The following PCDHA11 variants were observed in gnomAD, a reference collection of about 807,000 sequenced individuals.
PCDHA11 encodes protocadherin alpha 11, also known as protocadherin alpha-11.
A neutral mutation model predicts 70.3 loss-of-function variants in PCDHA11; 61 were observed. The ratio of observed to expected loss-of-function variants is 0.87; its 90% CI spans 0.71 to 1.07. The LOEUF (loss-of-function observed/expected upper bound fraction) is 1.07, where lower values mean the gene tolerates loss of function less well. Among genes scored for constraint, PCDHA11 ranks in the 50% least tolerant of loss-of-function variants. The pLI, the probability that PCDHA11 is intolerant of heterozygous loss-of-function variation, is 0.00. For missense variants in PCDHA11, 1,324 were observed against 1,237.5 expected, an observed-to-expected ratio of 1.07 and a Z score of -1.05; for synonymous variants, 633 against 555.1, an observed-to-expected ratio of 1.14 and a Z score of -1.97.
intron 3 of PCDHA11, among the ~76,000 whole-genome samples, chr5:140,999,060 G>A (rs1199782818): frequency 1.3e-5 from 2 of 152,210 alleles, no homozygotes; most frequent in East Asian, 1.9e-4. Context: ...CCATGCCTAA[G>A]TAGTCTCCTT....
Position 140,931,736 on chromosome 5 carries a change from G to T in PCDHA11, c.2392-47213G>T, listed in dbSNP as rs550065133. On this transcript the variant is annotated intron_variant, in intron 1 of 3. Transcript: ENST00000398640. ...TAACTTCTATAAATATGGGGTATTT[G>T]TAATTCACAAAGGCATTTGTTATTT... is the stretch of plus-strand genomic sequence containing the variant. Among the ~76,000 whole-genome samples, 307 of 152,008 alleles carry T rather than the reference G, an allele frequency of 2.0e-3. 3 individuals carry two copies. The highest frequency in any genetic ancestry group is 7.2e-3 in the African/African-American group (300 of 41,524).
chr5:140,884,459 G>T (rs530412188), intron 1 of PCDHA11: 2 of 1,613,754 alleles, frequency 1.2e-6, no homozygotes, highest in South Asian at 2.2e-5. Flanking sequence ...CACCGAGGGC[G>T]CGTGCGCGCC....
At chr5:140,967,754 T>G (rs782221420) in intron 1 of PCDHA11, 16 of 1,614,164 alleles carry the variant, frequency 9.9e-6, no homozygotes, top group South Asian at 7.7e-5. Flanking sequence ...GGAAGCCTCC[T>G]CCTACCAGAT....
chr5:140,969,826 A>G (rs782339572), intron 1 of PCDHA11, among the ~76,000 whole-genome samples: 24 of 152,344 alleles, frequency 1.6e-4, no homozygotes, highest in Middle Eastern at 3.4e-3. Flanking sequence ...TGGACTGTCT[A>G]CAGTGGAAAT....
Position 140,871,275 on chromosome 5 carries a change from A to C in PCDHA11, c.2172A>C (p.Ala724=). 3 of 1,613,900 alleles carry C rather than the reference A, an allele frequency of 1.9e-6. No individual in the cohort carries two copies. The highest frequency in any genetic ancestry group is 2.5e-6 in the Non-Finnish European group (3 of 1,179,916). ...TGTATACGGCGCTGTGGTGGTCGGC[A>C]ACGCCCACTGAGGGCGCGTGCGCGC... ...LLLYTALWWS[A]TPTEGACAPG... Residue 724 remains alanine (A), a synonymous_variant, in exon 1 of 4, where the codon GCA becomes GCC. Transcript: ENST00000398640.
At chr5:141,000,768 A>G (rs1434125702) in intron 3 of PCDHA11, among the ~76,000 whole-genome samples, 43 of 151,864 alleles carry the variant, frequency 2.8e-4, no homozygotes, top group African/African-American at 4.8e-5. Context: ...TTAGCCAGGC[A>G]TAGTGGCGCA....
chr5:140,875,054 C>A (rs2055251816), intron 1 of PCDHA11, among the ~76,000 whole-genome samples: 1 of 152,146 alleles, frequency 6.6e-6, no homozygotes, highest in Non-Finnish European at 1.5e-5. Flanking sequence ...TACTTTGAAG[C>A]AGAAAACATT....
At chr5:140,907,197 A>G (rs2073229380) in intron 1 of PCDHA11, among the ~76,000 whole-genome samples, 1 of 152,166 alleles carries the variant, frequency 6.6e-6, no homozygotes, top group Non-Finnish European at 1.5e-5. Context: ...AACCTTCTGG[A>G]GAATTTTGCC....
intron 1 of PCDHA11, chr5:140,884,416 G>T (rs1035372416): frequency 1.2e-6 from 2 of 1,614,006 alleles, no homozygotes; most frequent in East Asian, 4.5e-5. Flanking sequence ...TCACGTTGCT[G>T]CTGTATACTG....
chr5:140,987,005 T>C (rs1587197864), intron 3 of PCDHA11, among the ~76,000 whole-genome samples: 1 of 152,008 alleles, frequency 6.6e-6, no homozygotes. Context: ...CTTGAGGTCA[T>C]GAGTTCGAGA....
At chr5:140,877,839 A>G (rs2057367244) in intron 1 of PCDHA11, 12 of 1,582,068 alleles carry the variant, frequency 7.6e-6, no homozygotes, top group Non-Finnish European at 9.4e-6. Flanking sequence ...CTCCCAGTGA[A>G]GTAAGTTATT....
chr5:140,923,019 C>T (rs540025993), intron 1 of PCDHA11, among the ~76,000 whole-genome samples: 4 of 152,168 alleles, frequency 2.6e-5, no homozygotes, highest in South Asian at 2.1e-4. Context: ...ACTGCAGTTT[C>T]GGACTCTATT....
intron 1 of PCDHA11, among the ~76,000 whole-genome samples, chr5:140,884,988 A>G (rs2060423125): frequency 6.6e-6 from 1 of 152,242 alleles, no homozygotes; most frequent in African/African-American, 2.4e-5. Context: ...CATTTAGAAA[A>G]TGTTTGTTTT....
intron 1 of PCDHA11, chr5:140,878,053 C>T (rs2057454277): frequency 2.2e-6 from 1 of 456,148 alleles, no homozygotes; most frequent in Non-Finnish European, 3.5e-6. Flanking sequence ...TGGAGCACCA[C>T]ACTTAATATT....
chr5:140,885,670 C>T (rs1351720729), intron 1 of PCDHA11, among the ~76,000 whole-genome samples: 2 of 152,138 alleles, frequency 1.3e-5, no homozygotes, highest in African/African-American at 4.8e-5. Flanking sequence ...TATGAGCACT[C>T]TTTCTATCTC....
intron 1 of PCDHA11, among the ~76,000 whole-genome samples, chr5:140,921,179 GT>G (rs1563044506): frequency 6.6e-6 from 1 of 151,662 alleles, no homozygotes; most frequent in South Asian, 2.1e-4. Context: ...ATAAAGCACA[GT>G]TTTTTCACAA....
chr5:140,899,909 G>A (rs1401600020), intron 1 of PCDHA11, among the ~76,000 whole-genome samples: 1 of 152,134 alleles, frequency 6.6e-6, no homozygotes, highest in Non-Finnish European at 1.5e-5. Flanking sequence ...CTGGGCTCAA[G>A]CAATCCTCCT....
chr5:140,906,382 G>A (rs1384682039), intron 1 of PCDHA11, among the ~76,000 whole-genome samples: 2 of 152,072 alleles, frequency 1.3e-5, no homozygotes, highest in Non-Finnish European at 2.9e-5. Context: ...ATTACATAAA[G>A]TTAACATTTA....
intron 1 of PCDHA11, among the ~76,000 whole-genome samples, chr5:140,900,519 T>G (rs1264399196): frequency 6.6e-6 from 1 of 152,224 alleles, no homozygotes; most frequent in East Asian, 1.9e-4. Flanking sequence ...TCAGGTGATC[T>G]GCCCACCTCG....
Sources: gnomAD v4.1 joint callset for allele counts (sites outside exome capture counted in the v4.1 genomes callset) on GRCh38, gnomAD v4.1.1 for gene constraint, MANE v1.5 for transcripts, NCBI Gene and HGNC (gene_info 2026-07-23, HGNC 2026-07-21) for gene names.